Variants in ENTPD4 observed in about 807,000 individuals in gnomAD.
ENTPD4 encodes the protein Golgi UDPase.
In ENTPD4, 60 loss-of-function variants were observed where a neutral mutation model predicts 79.1. That is an observed-to-expected ratio of 0.76 (90% CI 0.62 to 0.94). The LOEUF (loss-of-function observed/expected upper bound fraction) is 0.94, where lower values mean the gene tolerates loss of function less well. Ranked by LOEUF, ENTPD4 falls within the 40% of genes least tolerant of loss-of-function variation. The pLI is 0.00. For missense variants in ENTPD4, 772 were observed against 775.1 expected, an observed-to-expected ratio of 1.00 and a Z score of 0.05; for synonymous variants, 276 against 292.0, an observed-to-expected ratio of 0.95 and a Z score of 0.56.
intron 1 of ENTPD4, among the ~76,000 whole-genome samples, chr8:23,456,929 T>C (rs573519547): frequency 6.6e-6 from 1 of 152,222 alleles, no homozygotes; most frequent in Non-Finnish European, 1.5e-5. Context: ...TCGTGATAAG[T>C]GTTCTCTGAA....
intron 9 of ENTPD4, among the ~76,000 whole-genome samples, chr8:23,438,997 A>G (rs1449708460): frequency 6.6e-6 from 1 of 152,240 alleles, no homozygotes; most frequent in Non-Finnish European, 1.5e-5. Flanking sequence ...CATCAAAATA[A>G]ACAAATAAAA....
intron 3 of ENTPD4, 109 bp downstream of exon 3, chr8:23,448,633 C>T: frequency 2.4e-6 from 2 of 839,406 alleles, no homozygotes; most frequent in Admixed American, 2.5e-5. Context: ...AAACAAATTG[C>T]TGTTGTTTAT....
rs541159364 is a variant in ENTPD4 at position 23,456,079 on chromosome 8, A to T, written c.-98+1478T>A. On this transcript the variant is annotated intron_variant, in intron 1 of 12. Coordinates refer to ENST00000358689, the MANE Select transcript of ENTPD4 (RefSeq NM_004901.5). ...TGTAAAACACGGCCTTCAAAATATGATCAGCTAAGAACCTTCTGGAAGGCC... is the reference window on the plus strand; with the variant it reads ...TGTAAAACACGGCCTTCAAAATATGTTCAGCTAAGAACCTTCTGGAAGGCC... Among the ~76,000 whole-genome samples the T allele has an allele frequency of 7.9e-5, 12 of 152,320 alleles. No individual in the cohort carries two copies. The South Asian group carries it at 1.9e-3, about 24-fold the overall frequency.
At chr8:23,448,715 T>G in intron 3 of ENTPD4, 27 bp downstream of exon 3, 1 of 1,596,162 alleles carries the variant, frequency 6.3e-7, no homozygotes. Flanking sequence ...GCTTCTGGTC[T>G]AGAAAGCAAA....
Position 23,441,708 on chromosome 8 carries a change from A to C in ENTPD4, c.743T>G (p.Val248Gly), listed in dbSNP as rs111847240. Residue 248 changes from valine (V) to glycine (G), a missense_variant, in exon 8 of 13, where the codon GTG becomes GGG. By Grantham distance (109) the Val-to-Gly change is moderately radical. Transcript: ENST00000358689. ...TTCACTTCCAGGAATGTTAACTTCC[A>C]CAACGGCCTCATCATCTAGAAAGAA... ...EHIEDDDEAV[V>G]EVNIPGSESS... is the part of the protein sequence containing the mutation. 3.1e-6 allele frequency: 5 copies of C among 1,613,982 alleles called. No homozygotes were observed. Among genetic ancestry groups the C allele is most frequent in the Non-Finnish European group, 4.2e-6 (5 of 1,180,032 alleles).
intron 4 of ENTPD4, 142 bp downstream of exon 4, chr8:23,447,534 AAAAG>A (rs1800782704): frequency 1.4e-6 from 1 of 694,576 alleles, no homozygotes. Flanking sequence ...CAGAAAAGGG[AAAAG>A]AAAGTGAAAC....
Position 23,429,304 on chromosome 8 carries a change from A to G in ENTPD4, c.*3622T>C, listed in dbSNP as rs1346239787. The G allele has an allele frequency of 1.0e-6, 1 of 985,430 alleles. No homozygotes were observed. The highest frequency in any genetic ancestry group is 1.2e-6 in the Non-Finnish European group (1 of 829,910). The allele number at this position is 985,430 out of a possible 1,614,324, so 61.0% of individuals were successfully genotyped here. On this transcript the variant is annotated 3_prime_UTR_variant, in exon 13 of 13. Coordinates refer to ENST00000358689, the MANE Select transcript of ENTPD4 (RefSeq NM_004901.5). ...TTTGGATGGAAGACATCGCTTAAAC[A>G]AAAAACATTTAAAGATGCTCCCTTG...
At chr8:23,433,201 AG>A (rs1053696257) in intron 12 of ENTPD4, 47 bp from the exon 13 acceptor site, 2 of 1,547,614 alleles carry the variant, frequency 1.3e-6, no homozygotes, top group African/African-American at 1.4e-5. Flanking sequence ...AAGCAAGGAA[AG>A]GGGTGGAAAG....
chr8:23,454,828 T>C (rs1800927817), intron 1 of ENTPD4, among the ~76,000 whole-genome samples: 1 of 152,238 alleles, frequency 6.6e-6, no homozygotes, highest in Non-Finnish European at 1.5e-5. Context: ...GCTGAAGCAC[T>C]GTAATTTTAA....
rs1585396445 is a variant in ENTPD4, at chr8:23,429,280, T to C, written c.*3646A>G. On this transcript the variant is annotated 3_prime_UTR_variant, in exon 13 of 13. Transcript: ENST00000358689. The stretch of plus-strand genomic sequence containing the variant: ...ACCTTCCGAGAGTATTATTCTTACT[T>C]TGGATGGAAGACATCGCTTAAACAA... 1 of 985,316 alleles carries C rather than the reference T, an allele frequency of 1.0e-6. No individual in the cohort carries two copies. Among genetic ancestry groups the C allele is most frequent in the Admixed American group, 6.1e-5 (1 of 16,272 alleles). The allele number at this position is 985,316 out of a possible 1,614,324, so 61.0% of individuals were successfully genotyped here. A position where few individuals can be genotyped will look rare whatever the true frequency, so the allele number is the denominator to read the frequency against.
chr8:23,441,984 T>A (rs747515848), intron 7 of ENTPD4, 23 bp downstream of exon 7: 12 of 1,595,222 alleles, frequency 7.5e-6, no homozygotes, highest in East Asian at 4.5e-5. Flanking sequence ...ACTAGATACA[T>A]TTGTTGGAAC....
rs886614540 is a variant in ENTPD4 at position 23,431,559 on chromosome 8, C to A, written c.*1367G>T. 2 of 985,292 alleles carry A rather than the reference C, an allele frequency of 2.0e-6. No homozygotes were observed. The highest frequency in any genetic ancestry group is 3.5e-5 in the African/African-American group (2 of 57,222). 61.0% of individuals were successfully genotyped at this position (985,292 alleles called of 1,614,324 possible). ...GTGAATTTATTTCCTGTATTGGATG[C>A]AGACTCTTCCCTTCTGGATTTACAG... On this transcript the variant is annotated 3_prime_UTR_variant, in exon 13 of 13. Transcript: ENST00000358689.
Position 23,444,496 on chromosome 8 carries a change from A to G in ENTPD4, c.523T>C (p.Tyr175His), listed in dbSNP as rs890824540. 2 of 1,614,202 alleles carry G rather than the reference A, an allele frequency of 1.2e-6. No individual in the cohort carries two copies. Among genetic ancestry groups the G allele is most frequent in the Non-Finnish European group, 8.5e-7 (1 of 1,180,030 alleles). Reference sequence around the variant, plus strand: ...CTCATTCCAGCCGTGCAGAGAATGTAGAGAGGTGTCTCTTTGTGTTTTGCC... The same window carrying G: ...CTCATTCCAGCCGTGCAGAGAATGTGGAGAGGTGTCTCTTTGTGTTTTGCC... The part of the protein sequence containing the change: ...PRAKHKETPL[Y>H]ILCTAGMRIL... Residue 175 changes from tyrosine to histidine, a missense_variant, in exon 5 of 13, where the codon TAC (tyrosine) becomes CAC (histidine). Transcript: ENST00000358689.
intron 11 of ENTPD4, 35 bp downstream of exon 11, chr8:23,435,357 T>A (rs1384602804): frequency 6.6e-7 from 1 of 1,507,494 alleles, no homozygotes; most frequent in Non-Finnish European, 9.2e-7. Context: ...TTATGGTTCT[T>A]AAGAGTGCCC....
intron 12 of ENTPD4, among the ~76,000 whole-genome samples, 176 bp from the exon 13 acceptor site, chr8:23,433,330 A>G (rs1800494967): frequency 6.6e-6 from 1 of 152,210 alleles, no homozygotes; most frequent in African/African-American, 2.4e-5. Context: ...TATCAGTGAG[A>G]TAACATGTGA....
At chr8:23,456,360 T>C (rs1345443231) in intron 1 of ENTPD4, among the ~76,000 whole-genome samples, 1 of 152,262 alleles carries the variant, frequency 6.6e-6, no homozygotes, top group East Asian at 1.9e-4. Flanking sequence ...TCAACATGTT[T>C]CTTTGTCAAG....
Position 23,434,344 on chromosome 8 carries a change from A to G in ENTPD4, c.1595T>C (p.Leu532Pro), listed in dbSNP as rs1800516458. Residue 532 changes from leucine to proline, a missense_variant, in exon 12 of 13, where the codon CTC becomes CCC. Leu to Pro is a moderately conservative substitution (Grantham distance 98). Transcript: ENST00000358689. ...KEVQWTLGAI[L>P]YRTRFLPLRD... ...TAATGGTAGAAAGCGGGTCCTGTAG[A>G]GGATGGCTCCAAGGGTCCACTGAAC... The G allele has an allele frequency of 6.2e-7, 1 of 1,614,214 alleles. No individual in the cohort carries two copies. Among genetic ancestry groups the G allele is most frequent in the Non-Finnish European group, 8.5e-7 (1 of 1,180,020 alleles).
chr8:23,451,501 G>C (rs1800861112), intron 1 of ENTPD4, among the ~76,000 whole-genome samples: 1 of 152,052 alleles, frequency 6.6e-6, no homozygotes, highest in South Asian at 2.1e-4. Context: ...CTCGGGCAAT[G>C]ATACTTTCTT....
chr8:23,444,649 C>T (rs762210375), intron 4 of ENTPD4, 43 bp from the exon 5 acceptor site: 4 of 1,578,128 alleles, frequency 2.5e-6, no homozygotes, highest in South Asian at 2.2e-5. Flanking sequence ...GATATTTTAG[C>T]TATAACATGT....
Sources: gnomAD v4.1 joint callset for allele counts (sites outside exome capture counted in the v4.1 genomes callset) on GRCh38, gnomAD v4.1.1 for gene constraint, MANE v1.5 for transcripts, NCBI Gene and HGNC (gene_info 2026-07-23, HGNC 2026-07-21) for gene names.